Variants in LSAMP observed in about 807,000 individuals in gnomAD.
LSAMP encodes limbic system associated membrane protein.
In LSAMP, 7 loss-of-function variants were observed where a neutral mutation model predicts 38.6. That is an observed-to-expected ratio of 0.18 (90% CI 0.10 to 0.34). The LOEUF (loss-of-function observed/expected upper bound fraction) is 0.34. Among genes scored for constraint, LSAMP ranks in the 10% least tolerant of loss-of-function variants. The probability of loss-of-function intolerance (pLI) is 1.00; values close to 1 mark genes in which losing one functional copy is unlikely to be tolerated. For missense variants in LSAMP, 313 were observed against 420.0 expected (o/e 0.75, Z 2.23); for synonymous variants, 154 against 166.8 (o/e 0.92, Z 0.59).
intron 1 of LSAMP, among the ~76,000 whole-genome samples, chr3:116,334,982 TTAA>T (rs755707326): frequency 2.0e-5 from 3 of 152,018 alleles, no homozygotes; most frequent in Non-Finnish European, 4.4e-5. Context: ...ATAGAAAATC[TTAA>T]TAGTTCCACA....
At chr3:116,007,475 G>C (rs1054218399) in intron 3 of LSAMP, among the ~76,000 whole-genome samples, 1 of 152,136 alleles carries the variant, frequency 6.6e-6, no homozygotes, top group Non-Finnish European at 1.5e-5. Context: ...CCAAGAGAAT[G>C]ATGAGGATTT....
intron 2 of LSAMP, among the ~76,000 whole-genome samples, chr3:116,042,379 G>A (rs577333331): frequency 3.2e-4 from 48 of 151,364 alleles, no homozygotes; most frequent in African/African-American, 8.5e-4. Flanking sequence ...CTGTTCTATC[G>A]GTCTTAAGAC....
chr3:116,058,039 G>C (rs937745795), intron 2 of LSAMP, among the ~76,000 whole-genome samples: 1 of 151,788 alleles, frequency 6.6e-6, no homozygotes, highest in Non-Finnish European at 1.5e-5. Flanking sequence ...ACAGTGGAAA[G>C]AAAATTCTAC....
chr3:116,229,366 T>A (rs1208719668), intron 1 of LSAMP, among the ~76,000 whole-genome samples: 1 of 152,142 alleles, frequency 6.6e-6, no homozygotes, highest in African/African-American at 2.4e-5. Context: ...AAAATGTTGA[T>A]AGGCTAGAGA....
chr3:115,848,579 T>C (rs1935233193), intron 4 of LSAMP, among the ~76,000 whole-genome samples: 1 of 152,202 alleles, frequency 6.6e-6, no homozygotes, highest in Admixed American at 6.5e-5. Context: ...AACCTCTGCT[T>C]CCTCTAAATA....
chr3:116,067,907 A>G (rs1181149772), intron 2 of LSAMP, among the ~76,000 whole-genome samples: 1 of 152,144 alleles, frequency 6.6e-6, no homozygotes, highest in African/African-American at 2.4e-5. Flanking sequence ...AGAATTTAAC[A>G]GTTTGTTAAT....
chr3:116,186,276 C>T (rs1710614600), intron 1 of LSAMP, among the ~76,000 whole-genome samples: 2 of 152,116 alleles, frequency 1.3e-5, no homozygotes, highest in Admixed American at 1.3e-4. Context: ...CTACCCCTCC[C>T]TCTTTTCCTC....
intron 1 of LSAMP, among the ~76,000 whole-genome samples, chr3:116,136,951 T>G (rs576192347): frequency 1.2e-4 from 19 of 152,158 alleles, no homozygotes; most frequent in African/African-American, 4.3e-4. Context: ...AAGAGAAATT[T>G]GTTTTCTCAA....
At chr3:116,075,950 A>AT (rs1369618283) in intron 2 of LSAMP, among the ~76,000 whole-genome samples, 1 of 152,206 alleles carries the variant, frequency 6.6e-6, no homozygotes, top group African/African-American at 2.4e-5. Flanking sequence ...TTGGAGAGAC[A>AT]TTTATTGATA....
intron 1 of LSAMP, among the ~76,000 whole-genome samples, chr3:116,307,830 G>A (rs1436212687): frequency 6.6e-6 from 1 of 151,774 alleles, no homozygotes; most frequent in East Asian, 1.9e-4. Context: ...TAACCACTAT[G>A]TGATTAAGAG....
intron 6 of LSAMP, among the ~76,000 whole-genome samples, chr3:115,833,568 ATATC>A (rs1448794079): frequency 1.3e-5 from 2 of 152,108 alleles, no homozygotes; most frequent in Non-Finnish European, 2.9e-5. Context: ...TTGACACTGA[ATATC>A]TACACACAAG....
chr3:116,130,029 G>A (rs563981944), intron 1 of LSAMP, among the ~76,000 whole-genome samples: 4 of 152,250 alleles, frequency 2.6e-5, no homozygotes, highest in East Asian at 1.9e-4. Flanking sequence ...ACATAAAGAC[G>A]ACAAGCTTTT....
intron 1 of LSAMP, among the ~76,000 whole-genome samples, chr3:116,192,413 C>T (rs767576817): frequency 1.1e-4 from 17 of 152,176 alleles, no homozygotes; most frequent in Admixed American, 2.0e-4. Flanking sequence ...GCCCAGCCAT[C>T]CTCACCAATA....
chr3:116,241,741 G>T lies in LSAMP; in HGVS notation c.156-155185C>A, dbSNP rs533118051. Reference sequence around the variant, plus strand: ...ATATACTTAAGGTCCATTTCTGAGGGTTGGGTGCATCTACAATCAGCAAAT... The same window carrying T: ...ATATACTTAAGGTCCATTTCTGAGGTTTGGGTGCATCTACAATCAGCAAAT... On this transcript the variant is annotated intron_variant, in intron 1 of 6. Transcript: ENST00000490035. Among the ~76,000 whole-genome samples, 7 of 152,248 alleles carry T rather than the reference G, an allele frequency of 4.6e-5. No homozygotes were observed. The East Asian group carries it at 1.4e-3, about 29-fold the overall frequency.
At chr3:115,872,021 A>G (rs924723104) in intron 3 of LSAMP, among the ~76,000 whole-genome samples, 8 of 151,982 alleles carry the variant, frequency 5.3e-5, no homozygotes, top group African/African-American at 1.9e-4. Flanking sequence ...TAAAATATTC[A>G]TGTCTAGTTG....
intron 1 of LSAMP, among the ~76,000 whole-genome samples, chr3:116,326,885 G>C (rs2047780300): frequency 6.6e-6 from 1 of 151,964 alleles, no homozygotes; most frequent in African/African-American, 2.4e-5. Flanking sequence ...TGTGGTCGTG[G>C]GTGTCATGAA....
chr3:116,007,155 C>T (rs903916791), intron 3 of LSAMP, among the ~76,000 whole-genome samples: 3 of 152,104 alleles, frequency 2.0e-5, no homozygotes, highest in African/African-American at 7.2e-5. Context: ...CTGCAGTCAA[C>T]TGCAGACAAA....
At chr3:116,381,718 C>T (rs560849103) in intron 1 of LSAMP, among the ~76,000 whole-genome samples, 1 of 152,210 alleles carries the variant, frequency 6.6e-6, no homozygotes, top group East Asian at 1.9e-4. Context: ...TGCATTCCTT[C>T]CACAAAATGA....
intron 3 of LSAMP, among the ~76,000 whole-genome samples, chr3:115,863,572 T>A (rs1935772646): frequency 6.6e-6 from 1 of 151,552 alleles, no homozygotes; most frequent in Non-Finnish European, 1.5e-5. Context: ...CACATTTGCA[T>A]ATACATATAT....
Sources: allele counts gnomAD v4.1 joint callset (sites outside exome capture counted in the v4.1 genomes callset), GRCh38; gene constraint gnomAD v4.1.1; transcripts MANE v1.5; gene names NCBI Gene and HGNC (gene_info 2026-07-23, HGNC 2026-07-21).